Variants in HDAC4 observed in about 807,000 individuals in gnomAD.
The protein encoded by HDAC4 is histone deacetylase A.
A neutral mutation model predicts 135.1 loss-of-function variants in HDAC4; 16 were observed. The observed-to-expected ratio is 0.12, with a 90% confidence interval of 0.08 to 0.18. The LOEUF is 0.18. Among genes scored for constraint, HDAC4 ranks in the 10% least tolerant of loss-of-function variants. The pLI is 1.00. For synonymous variants in HDAC4, 685 were observed against 653.4 expected, an observed-to-expected ratio of 1.05 and a Z score of -0.74; for missense variants, 1,143 against 1,511.8, an observed-to-expected ratio of 0.76 and a Z score of 4.05.
At chr2:239,264,411 T>C (rs2049585496) in intron 2 of HDAC4, among the ~76,000 whole-genome samples, 2 of 152,228 alleles carry the variant, frequency 1.3e-5, no homozygotes, top group South Asian at 4.1e-4. Context: ...GGTTTCTAAA[T>C]GTCTGTTAAG....
In HDAC4 at chr2:239,299,380, C is replaced by T. The variant is rs1456550994; in HGVS notation, c.22+53298G>A. Among the ~76,000 whole-genome samples, 7 of 152,272 alleles carry T rather than the reference C, an allele frequency of 4.6e-5. No individual in the cohort carries two copies. The highest frequency in any genetic ancestry group is 6.5e-5 in the Admixed American group (1 of 15,294). ...ACAGAGCGTGGTGCAATGATCAGGA[C>T]GGAGGTGCCTAACAATCCCAATAAA... is the stretch of plus-strand genomic sequence containing the variant. On this transcript the variant is annotated intron_variant, in intron 2 of 26. Coordinates refer to ENST00000543185, the MANE Select transcript of HDAC4 (RefSeq NM_001378414.1). The surrounding 1 kb of genome is among the most constrained non-coding windows in gnomAD (Gnocchi z 4.0).
At chr2:239,117,281 G>C (rs191584626) in intron 12 of HDAC4, among the ~76,000 whole-genome samples, 108 of 152,312 alleles carry the variant, frequency 7.1e-4, no homozygotes, top group Middle Eastern at 6.8e-3. Flanking sequence ...CGTTCTAGAA[G>C]CATGCCCTGC....
intron 4 of HDAC4, among the ~76,000 whole-genome samples, chr2:239,183,303 T>G (rs2044271146): frequency 6.6e-6 from 1 of 152,264 alleles, no homozygotes; most frequent in African/African-American, 2.4e-5. Flanking sequence ...CAAAAAGATT[T>G]TCACTTTTAA....
At chr2:239,332,740 AT>A (rs1255621851) in intron 2 of HDAC4, among the ~76,000 whole-genome samples, 6 of 152,066 alleles carry the variant, frequency 3.9e-5, no homozygotes, top group East Asian at 3.9e-4. Context: ...ACAGAAATTT[AT>A]TTTTTTAAAT....
chr2:239,366,021 G>A (rs763521986), intron 1 of HDAC4, among the ~76,000 whole-genome samples: 18 of 150,422 alleles, frequency 1.2e-4, no homozygotes, highest in South Asian at 2.1e-4. Flanking sequence ...ACACAAACAC[G>A]CATGCACAGA....
intron 2 of HDAC4, among the ~76,000 whole-genome samples, chr2:239,318,143 C>T (rs556949598): frequency 6.6e-6 from 1 of 152,142 alleles, no homozygotes; most frequent in Non-Finnish European, 1.5e-5. Context: ...GCTGTCTGCA[C>T]AGTCCCAGAT....
chr2:239,109,168 C>T (rs2038438601), intron 14 of HDAC4, among the ~76,000 whole-genome samples: 1 of 152,244 alleles, frequency 6.6e-6, no homozygotes. Context: ...GTCTGTGCTG[C>T]ACACACCTGG....
At chr2:239,177,492 T>C (rs2043848793) in intron 4 of HDAC4, among the ~76,000 whole-genome samples, 1 of 152,070 alleles carries the variant, frequency 6.6e-6, no homozygotes, top group South Asian at 2.1e-4. Flanking sequence ...TGAGGTAGGG[T>C]TGGGGGTGCC....
intron 2 of HDAC4, among the ~76,000 whole-genome samples, chr2:239,265,631 G>C (rs10195501): frequency 0.26 from 39,883 of 152,098 alleles, 5,434 homozygotes; most frequent in Non-Finnish European, 0.29. Context: ...GCAGGAACAC[G>C]AGGTGATGCC....
chr2:239,383,692 T>C (rs1221708194), intron 1 of HDAC4, among the ~76,000 whole-genome samples: 1 of 151,784 alleles, frequency 6.6e-6, no homozygotes, highest in Non-Finnish European at 1.5e-5. Flanking sequence ...CCTCAGCAGC[T>C]CTCACTCAAG....
chr2:239,111,519 G>C lies in HDAC4; in HGVS notation c.1978+7C>G, dbSNP rs747585824. Reference sequence around the variant, plus strand: ...CACCCTCAGGCTGCACAAAGGCCACGTGTTACCTGTCGTGAACCTCGGCTT... The same window carrying C: ...CACCCTCAGGCTGCACAAAGGCCACCTGTTACCTGTCGTGAACCTCGGCTT... On this transcript the variant is annotated splice_region_variant and intron_variant, in intron 14 of 26. Coordinates refer to ENST00000543185, the MANE Select transcript of HDAC4 (RefSeq NM_001378414.1). 6.2e-7 allele frequency: 1 copy of C among 1,611,082 alleles called. No homozygotes were observed. Among genetic ancestry groups the C allele is most frequent in the Non-Finnish European group, 8.5e-7 (1 of 1,179,324 alleles).
intron 2 of HDAC4, among the ~76,000 whole-genome samples, chr2:239,246,509 G>A (rs954601437): frequency 1.3e-5 from 2 of 152,126 alleles, no homozygotes; most frequent in African/African-American, 4.8e-5. Context: ...GTGTGTGGGC[G>A]GGGGCCGGCC....
chr2:239,241,736 G>C (rs761676173), intron 2 of HDAC4, among the ~76,000 whole-genome samples: 1 of 152,074 alleles, frequency 6.6e-6, no homozygotes, highest in Non-Finnish European at 1.5e-5. Context: ...GTTTGTATAC[G>C]CTATGAGACA....
chr2:239,066,904 C>A, intron 23 of HDAC4, 49 bp from the exon 24 acceptor site: 2 of 1,589,308 alleles, frequency 1.3e-6, no homozygotes, highest in Non-Finnish European at 1.7e-6. Context: ...AGGACCGCAG[C>A]CAGCACAGCC....
chr2:239,317,419 T>A (rs2053157162), intron 2 of HDAC4, among the ~76,000 whole-genome samples: 1 of 150,654 alleles, frequency 6.6e-6, no homozygotes. Flanking sequence ...CCAGGCCGCC[T>A]TGAGAAAAAG....
At chr2:239,200,189 G>A (rs977270626) in intron 3 of HDAC4, among the ~76,000 whole-genome samples, 1 of 152,182 alleles carries the variant, frequency 6.6e-6, no homozygotes, top group African/African-American at 2.4e-5. Context: ...TTTCCTGAGG[G>A]ACGGACATGC....
intron 1 of HDAC4, among the ~76,000 whole-genome samples, chr2:239,377,320 C>T (rs776774965): frequency 5.3e-5 from 8 of 152,334 alleles, no homozygotes; most frequent in South Asian, 2.1e-4. Context: ...TCACAGGCCA[C>T]GTGTGCCTCT....
intron 2 of HDAC4, among the ~76,000 whole-genome samples, chr2:239,297,166 A>G (rs777216177): frequency 3.2e-4 from 48 of 152,154 alleles, no homozygotes; most frequent in Non-Finnish European, 5.9e-4. Context: ...AAGCTCTGAC[A>G]GAAGTGGAGA....
chr2:239,220,784 G>C (rs1303789155), intron 3 of HDAC4, among the ~76,000 whole-genome samples: 1 of 152,122 alleles, frequency 6.6e-6, no homozygotes, highest in South Asian at 2.1e-4. Context: ...TGGGAAACGA[G>C]CCATATATTT....
Sources: allele counts gnomAD v4.1 joint callset (sites outside exome capture counted in the v4.1 genomes callset), GRCh38; gene constraint gnomAD v4.1.1; non-coding constraint Gnocchi (gnomAD v3.1); transcripts MANE v1.5; gene names NCBI Gene and HGNC (gene_info 2026-07-23, HGNC 2026-07-21).